The following DPYD variants were observed in gnomAD, a reference collection of about 807,000 sequenced individuals.
The protein encoded by DPYD is dihydropyrimidine dehydrogenase.
DPYD carries 109 observed loss-of-function variants against 116.2 expected under a neutral mutation model. The ratio of observed to expected loss-of-function variants is 0.94; its 90% CI spans 0.80 to 1.10. The LOEUF (loss-of-function observed/expected upper bound fraction) is 1.10. DPYD is among the 50% of genes least tolerant of loss of function. The pLI is 0.00. For synonymous variants in DPYD, 440 were observed against 432.0 expected, an observed-to-expected ratio of 1.02 and a Z score of -0.23; for missense variants, 1,302 against 1,254.5, an observed-to-expected ratio of 1.04 and a Z score of -0.57.
intron 12 of DPYD, among the ~76,000 whole-genome samples, chr1:97,517,742 T>C (rs1648333690): frequency 6.6e-6 from 1 of 152,142 alleles, no homozygotes; most frequent in Non-Finnish European, 1.5e-5. Flanking sequence ...TTGATTAATA[T>C]CAGTAAAAGT....
At chr1:97,276,533 G>A (rs1664936992) in intron 18 of DPYD, among the ~76,000 whole-genome samples, 1 of 151,814 alleles carries the variant, frequency 6.6e-6, no homozygotes, top group South Asian at 2.1e-4. Flanking sequence ...ACATACAAGT[G>A]GGCAACAATG....
intron 21 of DPYD, chr1:97,096,086 A>T (rs921809521): frequency 9.2e-5 from 14 of 152,200 alleles, no homozygotes; most frequent in Admixed American, 6.5e-5. Flanking sequence ...TAGGAGAGGA[A>T]CATAAACTTG....
At chr1:97,295,867 G>T in intron 18 of DPYD, 1 of 454,218 alleles carries the variant, frequency 2.2e-6, no homozygotes, top group Non-Finnish European at 2.9e-6. Context: ...TTTTCTCACA[G>T]AGTATACACA....
At chr1:97,914,450 T>A (rs1426356612) in intron 1 of DPYD, among the ~76,000 whole-genome samples, 1 of 152,174 alleles carries the variant, frequency 6.6e-6, no homozygotes, top group South Asian at 2.1e-4. Context: ...AAAAAATTAA[T>A]GTCAAATGCC....
At chr1:97,317,739 A>G (rs1667946204) in intron 16 of DPYD, among the ~76,000 whole-genome samples, 1 of 151,924 alleles carries the variant, frequency 6.6e-6, no homozygotes, top group African/African-American at 2.4e-5. Flanking sequence ...TGGAGCACCC[A>G]CCATGCTGAT....
rs28423050 is a variant in DPYD, at chr1:97,173,412, G to A, written c.2622+19657C>T. On this transcript the variant is annotated intron_variant, in intron 20 of 22. Transcript: ENST00000370192. ...TACATATATGTGTGTATATACGTAC[G>A]TACATATATGTGTGTATATACGTAC... 2.2e-3 allele frequency among the ~76,000 whole-genome samples: 331 copies of A among 147,592 alleles called. 1 individual carries two copies. The highest frequency in any genetic ancestry group is 7.7e-3 in the African/African-American group (311 of 40,328).
chr1:97,497,721 A>G (rs1679349279), intron 13 of DPYD, among the ~76,000 whole-genome samples: 1 of 151,864 alleles, frequency 6.6e-6, no homozygotes. Flanking sequence ...AATATCATAC[A>G]TTGCTGGTGA....
At chr1:97,341,187 C>A (rs914914169) in intron 16 of DPYD, among the ~76,000 whole-genome samples, 3 of 152,104 alleles carry the variant, frequency 2.0e-5, no homozygotes, top group Non-Finnish European at 2.9e-5. Flanking sequence ...GGCTAGTTTG[C>A]CTTCCTTTCT....
chr1:97,646,316 T>C (rs1322870326), intron 8 of DPYD, among the ~76,000 whole-genome samples: 11 of 151,264 alleles, frequency 7.3e-5, no homozygotes, highest in African/African-American at 2.2e-4. Context: ...GTATCTTCTT[T>C]TTATTTTTTT....
At chr1:97,874,349 C>A (rs895275905) in intron 2 of DPYD, among the ~76,000 whole-genome samples, 2 of 151,992 alleles carry the variant, frequency 1.3e-5, no homozygotes, top group Non-Finnish European at 2.9e-5. Flanking sequence ...TTAAACATAT[C>A]ATAAATTCAT....
At chr1:97,883,938 A>T (rs1174421699) in intron 1 of DPYD, 4 of 434,172 alleles carry the variant, frequency 9.2e-6, no homozygotes, top group Non-Finnish European at 1.7e-5. Context: ...TCCAAAAAAA[A>T]GTTCAGTATG....
intron 19 of DPYD, among the ~76,000 whole-genome samples, chr1:97,223,812 A>G (rs1048605426): frequency 6.6e-6 from 1 of 152,104 alleles, no homozygotes; most frequent in Non-Finnish European, 1.5e-5. Flanking sequence ...AACTTAAAAA[A>G]GCCAATGTTA....
intron 3 of DPYD, among the ~76,000 whole-genome samples, chr1:97,825,842 G>C (rs1425509167): frequency 3.3e-5 from 5 of 152,048 alleles, no homozygotes; most frequent in Non-Finnish European, 5.9e-5. Context: ...GACTAACAGA[G>C]AAGCTACCAT....
At position 97,238,245 on chromosome 1, in the gene DPYD, G is replaced by C. The variant is rs561304275; in HGVS notation, c.2300-3251C>G. Among the ~76,000 whole-genome samples the C allele has an allele frequency of 2.0e-5, 3 of 152,160 alleles. No individual in the cohort carries two copies. The South Asian group carries it at 6.2e-4, about 32-fold the overall frequency. On this transcript the variant is annotated intron_variant, in intron 18 of 22. Coordinates refer to ENST00000370192, the MANE Select transcript of DPYD (RefSeq NM_000110.4). ...AGTTAAGAGTAACTATGTTCTCTGA[G>C]GAAATGAGATCCAAAAAATGAAGAA...
chr1:97,254,187 C>T (rs1663289945), intron 18 of DPYD, among the ~76,000 whole-genome samples: 2 of 152,086 alleles, frequency 1.3e-5, no homozygotes, highest in South Asian at 4.1e-4. Context: ...CAAACTAGGG[C>T]CGTTTTTCAC....
chr1:97,226,203 A>C (rs1312847440), intron 19 of DPYD, among the ~76,000 whole-genome samples: 1 of 152,060 alleles, frequency 6.6e-6, no homozygotes, highest in Non-Finnish European at 1.5e-5. Context: ...CTTAATAAAA[A>C]CTCTCAAAAA....
At chr1:97,458,368 T>C (rs1370215184) in intron 13 of DPYD, among the ~76,000 whole-genome samples, 1 of 152,146 alleles carries the variant, frequency 6.6e-6, no homozygotes, top group Non-Finnish European at 1.5e-5. Flanking sequence ...AAGGAATCCC[T>C]TGCAATATAA....
At chr1:97,755,589 C>A (rs750272064) in intron 3 of DPYD, among the ~76,000 whole-genome samples, 10 of 152,176 alleles carry the variant, frequency 6.6e-5, no homozygotes, top group Non-Finnish European at 1.3e-4. Flanking sequence ...GTAAACAAAT[C>A]ATCCCTTCTT....
chr1:97,309,269 T>C (rs1290505307), intron 16 of DPYD, among the ~76,000 whole-genome samples: 1 of 151,782 alleles, frequency 6.6e-6, no homozygotes. Context: ...TGGTGCTTTC[T>C]AAAGGCATTA....
Sources: allele counts gnomAD v4.1 joint callset (sites outside exome capture counted in the v4.1 genomes callset), GRCh38; gene constraint gnomAD v4.1.1; transcripts MANE v1.5; gene names NCBI Gene and HGNC (gene_info 2026-07-23, HGNC 2026-07-21).